Variants in PTPRK observed in about 807,000 individuals in gnomAD.
PTPRK encodes the protein protein tyrosine phosphatase receptor type K.
A neutral mutation model predicts 178.0 loss-of-function variants in PTPRK; 75 were observed. The ratio of observed to expected loss-of-function variants is 0.42; its 90% CI spans 0.35 to 0.51. The LOEUF is 0.51. PTPRK is among the 20% of genes least tolerant of loss of function. The pLI is 0.02. For missense variants in PTPRK, 1,441 were observed against 1,797.8 expected, an observed-to-expected ratio of 0.80 and a Z score of 3.59; for synonymous variants, 637 against 620.6, an observed-to-expected ratio of 1.03 and a Z score of -0.39.
rs1347625009 is a variant in PTPRK at position 128,242,501 on chromosome 6, A to T, written c.577+20T>A. ...GTGTGGAAAGGACATAGAAAAATAC[A>T]ATTCTTAATCACAACCTACCACAAG... On this transcript the variant is annotated intron_variant, in intron 4 of 29. Transcript: ENST00000368226. 9 of 1,607,240 alleles carry T rather than the reference A, an allele frequency of 5.6e-6. No individual in the cohort carries two copies. The highest frequency in any genetic ancestry group is 6.8e-6 in the Non-Finnish European group (8 of 1,177,986).
intron 7 of PTPRK, among the ~76,000 whole-genome samples, chr6:128,116,736 C>A (rs1301016759): frequency 6.6e-6 from 1 of 152,128 alleles, no homozygotes; most frequent in Non-Finnish European, 1.5e-5. Flanking sequence ...TCTTTCTAAG[C>A]CTCAATTCAT....
chr6:128,464,373 C>G (rs1326650862), intron 1 of PTPRK, among the ~76,000 whole-genome samples: 2 of 151,434 alleles, frequency 1.3e-5, no homozygotes, highest in Non-Finnish European at 2.9e-5. Context: ...GTCCCTAGGA[C>G]TTTTGAGTAA....
chr6:128,393,166 A>T (rs1333322221), intron 2 of PTPRK, among the ~76,000 whole-genome samples: 2 of 146,058 alleles, frequency 1.4e-5, no homozygotes, highest in African/African-American at 5.1e-5. Context: ...ATCTCGGCTC[A>T]CTGCAACCTC....
At chr6:128,151,883 A>C (rs1162043600) in intron 7 of PTPRK, among the ~76,000 whole-genome samples, 3 of 152,038 alleles carry the variant, frequency 2.0e-5, no homozygotes, top group African/African-American at 7.2e-5. Flanking sequence ...AATAGAGTAT[A>C]ATCAGGGAAA....
rs1225514694 is a variant in PTPRK, at chr6:128,224,015, T to C, written c.694-4919A>G. On this transcript the variant is annotated intron_variant, in intron 5 of 29. Transcript: ENST00000368226. ...TTGGCTTCCAACGATTCATTAGAGC[T>C]AAAGGTAACAATTGAAAACATTTAA... Among the ~76,000 whole-genome samples, 3 of 152,202 alleles carry C rather than the reference T, an allele frequency of 2.0e-5. No homozygotes were observed. The East Asian group carries it at 5.8e-4, about 29-fold the overall frequency.
rs187359091 is a variant in PTPRK, at chr6:128,080,362, T to C, written c.1778-1444A>G. Among the ~76,000 whole-genome samples the C allele has an allele frequency of 7.2e-5, 11 of 152,032 alleles. No individual in the cohort carries two copies. In the East Asian group the frequency reaches 9.7e-4, roughly 13 times the overall value. ...ATCCCGCTGATTATAAGATACAAGA[T>C]TGCGAAAATATTTAAGAAGGAAATA... is the stretch of plus-strand genomic sequence containing the variant. On this transcript the variant is annotated intron_variant, in intron 10 of 29. Transcript: ENST00000368226.
intron 1 of PTPRK, among the ~76,000 whole-genome samples, chr6:128,481,167 T>G (rs1237515192): frequency 1.3e-5 from 2 of 152,106 alleles, no homozygotes; most frequent in African/African-American, 4.8e-5. Flanking sequence ...AAATTACACC[T>G]TATCTTTTGA....
At chr6:128,192,638 G>A (rs1804003449) in intron 6 of PTPRK, among the ~76,000 whole-genome samples, 1 of 151,854 alleles carries the variant, frequency 6.6e-6, no homozygotes, top group Non-Finnish European at 1.5e-5. Flanking sequence ...TGCGCAACAT[G>A]GTGAAACCCC....
chr6:128,405,843 A>G (rs1015678061), intron 1 of PTPRK, among the ~76,000 whole-genome samples: 1 of 152,114 alleles, frequency 6.6e-6, no homozygotes, highest in Admixed American at 6.5e-5. Context: ...GAGGGTTTGA[A>G]TTTAAAGTTT....
At chr6:128,410,062 C>T (rs190025543) in intron 1 of PTPRK, among the ~76,000 whole-genome samples, 9 of 152,208 alleles carry the variant, frequency 5.9e-5, no homozygotes, top group Non-Finnish European at 1.0e-4. Flanking sequence ...TTTTAGTCTA[C>T]GATTTGGTTA....
At chr6:128,277,462 AAAGAG>A (rs1820902685) in intron 3 of PTPRK, among the ~76,000 whole-genome samples, 1 of 152,190 alleles carries the variant, frequency 6.6e-6, no homozygotes, top group Admixed American at 6.5e-5. Flanking sequence ...GAATTAAGTT[AAAGAG>A]AAGAGAGGTC....
At chr6:128,417,061 T>C (rs1438503993) in intron 1 of PTPRK, among the ~76,000 whole-genome samples, 1 of 150,004 alleles carries the variant, frequency 6.7e-6, no homozygotes, top group Non-Finnish European at 1.5e-5. Context: ...ATTTTATGTG[T>C]ATATATATAT....
At chr6:128,122,600 G>A (rs1034120722) in intron 7 of PTPRK, among the ~76,000 whole-genome samples, 2 of 152,108 alleles carry the variant, frequency 1.3e-5, no homozygotes, top group Non-Finnish European at 2.9e-5. Context: ...CATTTTATTA[G>A]CAGTTTTAAT....
At chr6:128,463,741 GTTTTTTTTTT>G (rs896710320) in intron 1 of PTPRK, among the ~76,000 whole-genome samples, 4 of 96,868 alleles carry the variant, frequency 4.1e-5, no homozygotes, top group African/African-American at 1.8e-4. Context: ...AATCTTCACG[GTTTTTTTTTT>G]TTTTTTTTTT....
At chr6:128,056,744 C>T (rs1779968892) in intron 13 of PTPRK, among the ~76,000 whole-genome samples, 1 of 152,042 alleles carries the variant, frequency 6.6e-6, no homozygotes, top group Non-Finnish European at 1.5e-5. Context: ...TTTTAAATAC[C>T]TGTTCTCCCT....
At chr6:128,364,971 TTATGG>T (rs1410109271) in intron 2 of PTPRK, among the ~76,000 whole-genome samples, 1 of 152,052 alleles carries the variant, frequency 6.6e-6, no homozygotes, top group Non-Finnish European at 1.5e-5. Context: ...CTTTTCCCAG[TTATGG>T]TATGAGTTTG....
chr6:128,273,982 C>T (rs1820324832), intron 3 of PTPRK, among the ~76,000 whole-genome samples: 2 of 152,036 alleles, frequency 1.3e-5, no homozygotes. Flanking sequence ...TATTAATGAA[C>T]ATATTTCATT....
chr6:128,320,287 G>T (rs1172634030), intron 3 of PTPRK, among the ~76,000 whole-genome samples: 2 of 152,100 alleles, frequency 1.3e-5, no homozygotes, highest in African/African-American at 2.4e-5. Flanking sequence ...TGTGCCATGA[G>T]AAAATGTTAT....
At chr6:128,278,663 T>TG (rs1390860804) in intron 3 of PTPRK, among the ~76,000 whole-genome samples, 3 of 152,206 alleles carry the variant, frequency 2.0e-5, no homozygotes, top group African/African-American at 7.2e-5. Context: ...GGCTTGGTCT[T>TG]TAGATTTAGT....
Sources: gnomAD v4.1 joint callset for allele counts (sites outside exome capture counted in the v4.1 genomes callset) on GRCh38, gnomAD v4.1.1 for gene constraint, MANE v1.5 for transcripts, NCBI Gene and HGNC (gene_info 2026-07-23, HGNC 2026-07-21) for gene names.